The following ACYP2 variants were observed in gnomAD, a reference collection of about 807,000 sequenced individuals.
The protein encoded by ACYP2 is acylphosphatase-2.
In ACYP2, 12 loss-of-function variants were observed where a neutral mutation model predicts 11.2. The ratio of observed to expected loss-of-function variants is 1.08; its 90% CI spans 0.69 to 1.74. ACYP2 has a LOEUF of 1.74. Among genes scored for constraint, ACYP2 ranks in the 40% most tolerant of loss-of-function variants. The pLI is 0.00. For missense variants in ACYP2, 134 were observed against 101.9 expected (o/e 1.31, Z -1.35); for synonymous variants, 43 against 32.2 (o/e 1.33, Z -1.13).
intron 6 of ACYP2, among the ~76,000 whole-genome samples, chr2:54,167,162 C>T (rs1004243671): frequency 1.3e-5 from 2 of 152,172 alleles, no homozygotes; most frequent in Non-Finnish European, 1.5e-5. Context: ...TGTATCACCA[C>T]TCATTTCCTC....
At chr2:54,232,035 G>A (rs923714736) in intron 6 of ACYP2, among the ~76,000 whole-genome samples, 36 of 152,102 alleles carry the variant, frequency 2.4e-4, no homozygotes, top group African/African-American at 8.5e-4. Context: ...CCATTGCTTT[G>A]CACAAATTAT....
rs566193343 is a variant in ACYP2, at chr2:54,288,587, T to C, written c.405-16101T>C. Among the ~76,000 whole-genome samples, 7 of 152,146 alleles carry C rather than the reference T, an allele frequency of 4.6e-5. 1 individual carries two copies. The South Asian group carries it at 1.2e-3, about 27-fold the overall frequency. ...GGCTGATATACTTGCCTACTATAAATGATGCATGGTATTCTAGTTTATAAA... is the reference window on the plus strand; with the variant it reads ...GGCTGATATACTTGCCTACTATAAACGATGCATGGTATTCTAGTTTATAAA... On this transcript the variant is annotated intron_variant, in intron 6 of 6. Coordinates refer to ENST00000607452, the MANE Select transcript of ACYP2 (RefSeq NM_001320586.2).
intron 4 of ACYP2, chr2:54,123,140 TC>T: frequency 2.6e-6 from 1 of 383,666 alleles, no homozygotes; most frequent in Non-Finnish European, 4.6e-6. Flanking sequence ...TCACTGCATG[TC>T]CCTGTGACAA....
rs1679227726 is a variant in ACYP2 at position 54,107,502 on chromosome 2, A to G, written c.278-27951A>G. On this transcript the variant is annotated intron_variant, in intron 4 of 6. Coordinates refer to ENST00000607452, the MANE Select transcript of ACYP2 (RefSeq NM_001320586.2). ...TTTCATTCTGCCTAACCTTTGTTCT[A>G]TTCCTGTTGTGAAGATTTTGCCCCA... Among the ~76,000 whole-genome samples the G allele has an allele frequency of 1.3e-5, 2 of 152,194 alleles. 1 individual carries two copies. The highest frequency in any genetic ancestry group is 4.1e-4 in the South Asian group (2 of 4,832).
At chr2:54,304,214 ATGTCTGTG>A (rs1558681181) in intron 6 of ACYP2, among the ~76,000 whole-genome samples, 1 of 66,992 alleles carries the variant, frequency 1.5e-5, no homozygotes, top group African/African-American at 6.7e-5. Context: ...CATTATATAT[ATGTCTGTG>A]TGTGTGTGTG....
intron 2 of ACYP2, among the ~76,000 whole-genome samples, chr2:54,009,876 G>A (rs1046915591): frequency 6.6e-6 from 1 of 152,166 alleles, no homozygotes; most frequent in African/African-American, 2.4e-5. Flanking sequence ...GGAAGTCTTT[G>A]AGAAATTTAA....
At chr2:54,287,901 A>G (rs1442486137) in intron 6 of ACYP2, among the ~76,000 whole-genome samples, 1 of 152,008 alleles carries the variant, frequency 6.6e-6, no homozygotes, top group African/African-American at 2.4e-5. Flanking sequence ...TAGTTTGAAC[A>G]GCACCCACAG....
At chr2:54,022,806 C>G (rs978609494) in intron 2 of ACYP2, among the ~76,000 whole-genome samples, 4 of 152,206 alleles carry the variant, frequency 2.6e-5, no homozygotes, top group South Asian at 2.1e-4. Context: ...CCCCTTGTCT[C>G]TGAAGATGGA....
At chr2:54,085,604 T>C (rs4671190) in intron 4 of ACYP2, among the ~76,000 whole-genome samples, 58,533 of 152,006 alleles carry the variant, frequency 0.39, 11,974 homozygotes, top group East Asian at 0.71. Context: ...TTATATCAAT[T>C]AGCCTGTGGT....
At chr2:54,168,203 TC>T (rs1172814999) in intron 6 of ACYP2, among the ~76,000 whole-genome samples, 3 of 152,076 alleles carry the variant, frequency 2.0e-5, no homozygotes, top group Admixed American at 2.0e-4. Flanking sequence ...GGTGAGCAGA[TC>T]ACTTGAGGTC....
chr2:54,177,647 G>A (rs908100039), intron 6 of ACYP2, among the ~76,000 whole-genome samples: 2 of 148,834 alleles, frequency 1.3e-5, no homozygotes, highest in Non-Finnish European at 3.0e-5. Flanking sequence ...GCACGATCTC[G>A]GCTCACTGCA....
At chr2:53,973,623 C>A in intron 1 of ACYP2, 1 of 199,148 alleles carries the variant, frequency 5.0e-6, no homozygotes, top group Admixed American at 6.0e-5. Context: ...ACCCCCTGCC[C>A]CCAAAACATT....
chr2:54,149,780 T>C (rs1332591613), intron 6 of ACYP2, among the ~76,000 whole-genome samples: 4 of 152,226 alleles, frequency 2.6e-5, no homozygotes, highest in African/African-American at 9.6e-5. Flanking sequence ...AGGACTGGTA[T>C]ATGTATATAA....
At chr2:54,281,626 C>G (rs1688853506) in intron 6 of ACYP2, among the ~76,000 whole-genome samples, 1 of 152,116 alleles carries the variant, frequency 6.6e-6, no homozygotes, top group African/African-American at 2.4e-5. Context: ...TGTGGAAGTT[C>G]CTTCTAGGCT....
chr2:54,201,602 T>TTC (rs1193045909), intron 6 of ACYP2, among the ~76,000 whole-genome samples: 6 of 86,270 alleles, frequency 7.0e-5, no homozygotes, highest in African/African-American at 2.2e-4. Context: ...TTCTCTTTCT[T>TTC]TCTTTCTTTC....
intron 6 of ACYP2, among the ~76,000 whole-genome samples, chr2:54,140,746 C>A (rs961832309): frequency 1.3e-5 from 2 of 152,066 alleles, no homozygotes; most frequent in African/African-American, 4.8e-5. Context: ...TTATTATTAC[C>A]TTATTGCTGG....
intron 6 of ACYP2, among the ~76,000 whole-genome samples, chr2:54,251,048 TGATC>T (rs1334103399): frequency 6.6e-6 from 1 of 152,210 alleles, no homozygotes; most frequent in Admixed American, 6.5e-5. Flanking sequence ...ATGGATTTGA[TGATC>T]TATTTGGCTG....
At chr2:54,075,317 G>C (rs925040692) in intron 4 of ACYP2, among the ~76,000 whole-genome samples, 1 of 152,062 alleles carries the variant, frequency 6.6e-6, no homozygotes, top group Non-Finnish European at 1.5e-5. Flanking sequence ...TGGGCAACAT[G>C]GTGAAACCCC....
At chr2:54,203,411 T>G (rs1215142) in intron 6 of ACYP2, among the ~76,000 whole-genome samples, 2 of 150,108 alleles carry the variant, frequency 1.3e-5, no homozygotes, top group Non-Finnish European at 2.9e-5. Context: ...CATATGCAAA[T>G]AGAGATAGTT....
Sources: gnomAD v4.1 joint callset for allele counts (sites outside exome capture counted in the v4.1 genomes callset) on GRCh38, gnomAD v4.1.1 for gene constraint, MANE v1.5 for transcripts, NCBI Gene and HGNC (gene_info 2026-07-23, HGNC 2026-07-21) for gene names.